The following ADAMTS3 variants were observed in gnomAD, a reference collection of about 807,000 sequenced individuals.
ADAMTS3 encodes A disintegrin and metalloproteinase with thrombospondin motifs 3.
A neutral mutation model predicts 129.0 loss-of-function variants in ADAMTS3; 73 were observed. The observed-to-expected ratio is 0.57, with a 90% CI of 0.47 to 0.69. The LOEUF is 0.69. Ranked by LOEUF, ADAMTS3 falls within the 30% of genes least tolerant of loss-of-function variation. The pLI, the probability that ADAMTS3 is intolerant of heterozygous loss-of-function variation, is 0.00. For synonymous variants in ADAMTS3, 477 were observed against 510.8 expected (o/e 0.93, Z 0.89); for missense variants, 1,457 against 1,514.5 (o/e 0.96, Z 0.63).
chr4:72,367,018 C>A (rs1258347453), intron 4 of ADAMTS3, among the ~76,000 whole-genome samples: 1 of 151,892 alleles, frequency 6.6e-6, no homozygotes, highest in Non-Finnish European at 1.5e-5. Flanking sequence ...TTACCTACTG[C>A]CTTCAAAAAC....
chr4:72,354,344 T>C (rs983638998), intron 4 of ADAMTS3, among the ~76,000 whole-genome samples: 11 of 151,950 alleles, frequency 7.2e-5, no homozygotes, highest in Admixed American at 5.9e-4. Flanking sequence ...AATCAAGATT[T>C]TTTCCCTTCT....
chr4:72,427,004 C>T (rs903649276), intron 3 of ADAMTS3, among the ~76,000 whole-genome samples: 7 of 152,098 alleles, frequency 4.6e-5, no homozygotes, highest in Non-Finnish European at 8.8e-5. Flanking sequence ...AGGATCAGCC[C>T]TATATTGTTT....
chr4:72,322,225 A>G (rs1052437996), intron 6 of ADAMTS3, among the ~76,000 whole-genome samples: 1 of 152,226 alleles, frequency 6.6e-6, no homozygotes, highest in African/African-American at 2.4e-5. Flanking sequence ...TTATAAAATG[A>G]TAAGTGGATG....
intron 17 of ADAMTS3, among the ~76,000 whole-genome samples, chr4:72,302,442 C>T (rs1718975316): frequency 6.6e-6 from 1 of 151,880 alleles, no homozygotes; most frequent in Non-Finnish European, 1.5e-5. Flanking sequence ...AAGGAATAAT[C>T]CGATCTGAAA....
chr4:72,452,463 T>C (rs917266791), intron 3 of ADAMTS3, among the ~76,000 whole-genome samples: 1 of 151,770 alleles, frequency 6.6e-6, no homozygotes, highest in African/African-American at 2.4e-5. Flanking sequence ...AGGTGACTTA[T>C]GTTTCAAATT....
At chr4:72,301,394 G>C (rs958349963) in intron 17 of ADAMTS3, among the ~76,000 whole-genome samples, 1 of 152,056 alleles carries the variant, frequency 6.6e-6, no homozygotes, top group African/African-American at 2.4e-5. Context: ...TTTCACAGAG[G>C]ACTTGAATAT....
chr4:72,372,064 A>C (rs1425501949), intron 4 of ADAMTS3, among the ~76,000 whole-genome samples: 1 of 152,172 alleles, frequency 6.6e-6, no homozygotes, highest in Non-Finnish European at 1.5e-5. Context: ...ATTAGGAAAT[A>C]TTTTGAACTG....
intron 3 of ADAMTS3, among the ~76,000 whole-genome samples, chr4:72,420,330 T>G (rs1722410742): frequency 6.6e-6 from 1 of 152,138 alleles, no homozygotes; most frequent in Non-Finnish European, 1.5e-5. Context: ...ACTTAAGGGG[T>G]GTTTCCCCTT....
chr4:72,486,521 C>T (rs1021089155), intron 3 of ADAMTS3, among the ~76,000 whole-genome samples: 9 of 152,082 alleles, frequency 5.9e-5, no homozygotes, highest in South Asian at 2.1e-4. Context: ...AAGAGCCCTC[C>T]GTCATTAATA....
At chr4:72,314,618 A>C (rs2109801243) in intron 11 of ADAMTS3, among the ~76,000 whole-genome samples, 1 of 152,324 alleles carries the variant, frequency 6.6e-6, no homozygotes, top group Admixed American at 6.5e-5. Context: ...ATATTTAAGA[A>C]AGTTGAATGT....
At chr4:72,354,881 T>A (rs982114178) in intron 4 of ADAMTS3, among the ~76,000 whole-genome samples, 3 of 151,964 alleles carry the variant, frequency 2.0e-5, no homozygotes, top group African/African-American at 7.2e-5. Context: ...ATATTTCAGG[T>A]TCTAGACACT....
chr4:72,563,886 T>C (rs535695910), intron 2 of ADAMTS3, among the ~76,000 whole-genome samples: 289 of 152,290 alleles, frequency 1.9e-3, no homozygotes, highest in Admixed American at 5.3e-3. Flanking sequence ...ACAATTGGCA[T>C]CAAAACAAAG....
At chr4:72,553,404 A>G (rs924992911) in intron 2 of ADAMTS3, among the ~76,000 whole-genome samples, 4 of 152,166 alleles carry the variant, frequency 2.6e-5, no homozygotes, top group African/African-American at 9.7e-5. Flanking sequence ...ATCTCTTTGG[A>G]TATTCATAGA....
chr4:72,394,829 T>C (rs1721685248), intron 4 of ADAMTS3, among the ~76,000 whole-genome samples: 1 of 152,358 alleles, frequency 6.6e-6, no homozygotes, highest in East Asian at 1.9e-4. Flanking sequence ...ATTAATATTC[T>C]GATACTAAAT....
intron 2 of ADAMTS3, among the ~76,000 whole-genome samples, chr4:72,558,929 A>T (rs922925509): frequency 2.0e-5 from 3 of 151,768 alleles, no homozygotes; most frequent in Admixed American, 6.5e-5. Flanking sequence ...ACTGTCAAAA[A>T]AGAGGCATCT....
At chr4:72,530,386 TAAATTAACATATATG>T (rs1720976783) in intron 3 of ADAMTS3, among the ~76,000 whole-genome samples, 1 of 85,504 alleles carries the variant, frequency 1.2e-5, no homozygotes, top group South Asian at 3.9e-4. Context: ...TAATATATAT[TAAATTAACATATATG>T]AATTTAATAT....
intron 3 of ADAMTS3, among the ~76,000 whole-genome samples, chr4:72,544,602 A>G (rs953128921): frequency 3.9e-4 from 59 of 152,330 alleles, no homozygotes; most frequent in South Asian, 1.0e-3. Context: ...CAAAGGCATC[A>G]TATCAATTCT....
intron 3 of ADAMTS3, among the ~76,000 whole-genome samples, chr4:72,421,425 C>T (rs1722442163): frequency 6.6e-6 from 1 of 152,102 alleles, no homozygotes; most frequent in Non-Finnish European, 1.5e-5. Context: ...GTGCATAACA[C>T]TTGAGGGAGC....
chr4:72,315,270 C>T (rs115999529), intron 11 of ADAMTS3, among the ~76,000 whole-genome samples: 2,048 of 152,236 alleles, frequency 0.013, 47 homozygotes, highest in African/African-American at 0.045. Context: ...TCTTAATCCC[C>T]GGAACCTGTA....
Sources: allele counts gnomAD v4.1 joint callset (sites outside exome capture counted in the v4.1 genomes callset), GRCh38; gene constraint gnomAD v4.1.1; transcripts MANE v1.5; gene names NCBI Gene and HGNC (gene_info 2026-07-23, HGNC 2026-07-21).